RANBP2: variants seen among roughly 807,000 people sequenced by gnomAD.
RANBP2 encodes the protein RAN binding protein 2.
In RANBP2, 57 loss-of-function variants were observed where a neutral mutation model predicts 303.6. That is an observed-to-expected ratio of 0.19 (90% CI 0.15 to 0.23). RANBP2 has a LOEUF of 0.23. RANBP2 is among the 10% of genes least tolerant of loss of function. The pLI is 1.00. For missense variants in RANBP2, 3,138 were observed against 3,780.8 expected, an observed-to-expected ratio of 0.83 and a Z score of 4.46; for synonymous variants, 1,167 against 1,301.5, an observed-to-expected ratio of 0.90 and a Z score of 2.23.
chr2:109,454,479 T>C, the RANBP2 span, among the ~76,000 whole-genome samples: 1 of 152,198 alleles, frequency 6.6e-6, no homozygotes, highest in African/African-American at 2.4e-5. Context: ...TCTGAGCCTC[T>C]TGCTGTCCCT....
chr2:109,634,613 A>T, the RANBP2 span, among the ~76,000 whole-genome samples: 3 of 152,258 alleles, frequency 2.0e-5, no homozygotes, highest in Admixed American at 6.5e-5. Flanking sequence ...ACTGGGGCTG[A>T]TAAAGTAATC....
the RANBP2 span, among the ~76,000 whole-genome samples, chr2:109,054,503 G>A: frequency 6.4e-4 from 97 of 152,180 alleles, no homozygotes; most frequent in African/African-American, 2.2e-3. Context: ...TCAAGAGATT[G>A]AGACCATCCT....
the RANBP2 span, among the ~76,000 whole-genome samples, chr2:109,601,332 T>C: frequency 6.6e-6 from 1 of 152,246 alleles, no homozygotes; most frequent in South Asian, 2.1e-4. Flanking sequence ...TCAGCAGTTG[T>C]ATGTCAGGGG....
At chr2:109,534,641 G>A in the RANBP2 span, among the ~76,000 whole-genome samples, 29,822 of 151,942 alleles carry the variant, frequency 0.2, 3,567 homozygotes, top group Non-Finnish European at 0.27. Context: ...TTAGCTGGGC[G>A]TGATGGCACT....
the RANBP2 span, among the ~76,000 whole-genome samples, chr2:109,269,929 T>C: frequency 6.6e-6 from 1 of 152,204 alleles, no homozygotes. Flanking sequence ...AAAACGTAAC[T>C]ACTACTAATA....
At chr2:109,373,393 A>G in the RANBP2 span, among the ~76,000 whole-genome samples, 1 of 152,244 alleles carries the variant, frequency 6.6e-6, no homozygotes, top group Admixed American at 6.5e-5. Context: ...GGCCCTAAAC[A>G]GCATACCACT....
chr2:109,030,124 A>G, the RANBP2 span, among the ~76,000 whole-genome samples: 5 of 152,190 alleles, frequency 3.3e-5, no homozygotes, highest in Non-Finnish European at 5.9e-5. Context: ...TGTTCTGCCT[A>G]TGCAAAGAAC....
chr2:109,377,708 A>G, the RANBP2 span, among the ~76,000 whole-genome samples: 2 of 152,192 alleles, frequency 1.3e-5, no homozygotes, highest in African/African-American at 4.8e-5. Flanking sequence ...GAGAGTGCTT[A>G]TCTTCAGCAC....
the RANBP2 span, among the ~76,000 whole-genome samples, chr2:109,140,639 C>T: frequency 6.6e-6 from 1 of 152,160 alleles, no homozygotes; most frequent in Non-Finnish European, 1.5e-5. Flanking sequence ...CCTCAGCCTC[C>T]CAAAGTGCTG....
At chr2:109,777,291 T>C in the RANBP2 span, among the ~76,000 whole-genome samples, 2 of 148,890 alleles carry the variant, frequency 1.3e-5, no homozygotes, top group African/African-American at 5.0e-5. Context: ...TCTACATGTA[T>C]TGAGATGGTC....
intron 28 of RANBP2, among the ~76,000 whole-genome samples, chr2:108,783,219 T>C (rs1678377938): frequency 6.6e-6 from 1 of 150,798 alleles, no homozygotes; most frequent in South Asian, 2.1e-4. Context: ...TGTGCGTCTG[T>C]GATCCCAGCT....
At chr2:109,467,561 CTGCTGCAGGGGG>C in the RANBP2 span, among the ~76,000 whole-genome samples, 2 of 152,140 alleles carry the variant, frequency 1.3e-5, no homozygotes, top group African/African-American at 4.8e-5. Context: ...GATGGTGGGG[CTGCTGCAGGGGG>C]ATCTGCTAAG....
At chr2:109,073,343 T>C in the RANBP2 span, among the ~76,000 whole-genome samples, 4 of 152,074 alleles carry the variant, frequency 2.6e-5, no homozygotes, top group Admixed American at 6.6e-5. Context: ...GACTGGTCAT[T>C]GGCAATCATT....
chr2:109,699,669 G>A, the RANBP2 span, among the ~76,000 whole-genome samples: 2 of 152,160 alleles, frequency 1.3e-5, no homozygotes, highest in Non-Finnish European at 2.9e-5. Context: ...AGGAGGAGGG[G>A]TTGGTTGCGT....
At chr2:109,157,987 C>A in the RANBP2 span, among the ~76,000 whole-genome samples, 1 of 152,152 alleles carries the variant, frequency 6.6e-6, no homozygotes, top group East Asian at 1.9e-4. Context: ...TAGTAAGTAA[C>A]CCTCCTTGAG....
the RANBP2 span, among the ~76,000 whole-genome samples, chr2:109,766,880 C>T: frequency 6.7e-6 from 1 of 149,696 alleles, no homozygotes; most frequent in Non-Finnish European, 1.5e-5. Context: ...TTAATGGTAA[C>T]ATAATTTTTT....
the RANBP2 span, among the ~76,000 whole-genome samples, chr2:109,529,548 AG>A: frequency 2.0e-5 from 3 of 152,234 alleles, no homozygotes; most frequent in East Asian, 5.8e-4. Context: ...GGAGGTCCTG[AG>A]GAGCCAAGGA....
chr2:109,493,479 A>G, the RANBP2 span, among the ~76,000 whole-genome samples: 13 of 151,556 alleles, frequency 8.6e-5, no homozygotes, highest in Admixed American at 3.3e-4. Context: ...ATACAAACAC[A>G]TACCCCACAT....
chr2:109,510,550 G>A, the RANBP2 span, among the ~76,000 whole-genome samples: 8 of 152,220 alleles, frequency 5.3e-5, no homozygotes, highest in Admixed American at 1.3e-4. Context: ...CAGACTGAAG[G>A]AACCCCGGTT....
Sources: allele counts gnomAD v4.1 joint callset (sites outside exome capture counted in the v4.1 genomes callset), GRCh38; gene constraint gnomAD v4.1.1; transcripts MANE v1.5; gene names NCBI Gene and HGNC (gene_info 2026-07-23, HGNC 2026-07-21).